The following CNTNAP2 variants were observed in gnomAD, a reference collection of about 807,000 sequenced individuals.
CNTNAP2 encodes the protein contactin-associated protein-like 2.
CNTNAP2 carries 98 observed loss-of-function variants against 155.2 expected under a neutral mutation model. The ratio of observed to expected loss-of-function variants is 0.63; its 90% CI spans 0.54 to 0.75. The LOEUF (loss-of-function observed/expected upper bound fraction) is 0.75. Among genes scored for constraint, CNTNAP2 ranks in the 30% least tolerant of loss-of-function variants. The probability of loss-of-function intolerance (pLI) is 0.00; values close to 1 mark genes in which losing one functional copy is unlikely to be tolerated. For missense variants in CNTNAP2, 1,727 were observed against 1,688.1 expected, an observed-to-expected ratio of 1.02 and a Z score of -0.40; for synonymous variants, 651 against 631.2, an observed-to-expected ratio of 1.03 and a Z score of -0.47.
chr7:148,291,295 T>TA (rs1563028078), intron 21 of CNTNAP2, among the ~76,000 whole-genome samples: 3 of 98,304 alleles, frequency 3.1e-5, no homozygotes, highest in Non-Finnish European at 4.2e-5. Flanking sequence ...GGAATATATA[T>TA]ATAATATATA....
intron 15 of CNTNAP2, among the ~76,000 whole-genome samples, chr7:148,061,878 T>TATAGATAGATAG (rs199822052): frequency 0.012 from 1,320 of 112,058 alleles, 97 homozygotes; most frequent in African/African-American, 0.039. Context: ...GATAAACAGA[T>TATAGATAGATAG]ATAGATAGAT....
At chr7:148,291,752 T>A (rs1002911736) in intron 21 of CNTNAP2, among the ~76,000 whole-genome samples, 1 of 152,234 alleles carries the variant, frequency 6.6e-6, no homozygotes, top group Non-Finnish European at 1.5e-5. Context: ...ATTTAGCCAT[T>A]TCACAAGGTA....
chr7:146,602,097 A>G (rs1168880170), intron 1 of CNTNAP2, among the ~76,000 whole-genome samples: 1 of 152,120 alleles, frequency 6.6e-6, no homozygotes, highest in African/African-American at 2.4e-5. Flanking sequence ...TTAAATAATC[A>G]ATTTGAAGTT....
Position 148,026,183 on chromosome 7 carries a change from T to C in CNTNAP2, c.2383+48194T>C, listed in dbSNP as rs376905416. Among the ~76,000 whole-genome samples, 35 of 152,184 alleles carry C rather than the reference T, an allele frequency of 2.3e-4. 1 individual carries two copies. The East Asian group carries it at 4.4e-3, about 19-fold the overall frequency. On this transcript the variant is annotated intron_variant, in intron 15 of 23. Coordinates refer to ENST00000361727, the MANE Select transcript of CNTNAP2 (RefSeq NM_014141.6). ...AAAAATACTAGCCAGGTGTGGCGGCTCACACCTGTAATCCCAGCACTTTGG... is the reference window on the plus strand; with the variant it reads ...AAAAATACTAGCCAGGTGTGGCGGCCCACACCTGTAATCCCAGCACTTTGG...
intron 4 of CNTNAP2, among the ~76,000 whole-genome samples, chr7:147,065,720 C>T (rs1799766063): frequency 6.6e-6 from 1 of 152,096 alleles, no homozygotes. Context: ...AAGACACAAA[C>T]TGGTTATTAT....
intron 3 of CNTNAP2, among the ~76,000 whole-genome samples, chr7:146,877,540 G>A (rs1795453620): frequency 6.6e-6 from 1 of 151,200 alleles, no homozygotes; most frequent in Admixed American, 6.6e-5. Context: ...GTGTATATGT[G>A]TATATAAATA....
chr7:147,220,450 A>G (rs994536277), intron 8 of CNTNAP2, among the ~76,000 whole-genome samples: 2 of 152,194 alleles, frequency 1.3e-5, no homozygotes, highest in African/African-American at 4.8e-5. Flanking sequence ...TCTTTTAATT[A>G]GTGCATTTAG....
intron 1 of CNTNAP2, among the ~76,000 whole-genome samples, chr7:146,384,445 CAA>C (rs1795432469): frequency 6.6e-6 from 1 of 152,060 alleles, no homozygotes; most frequent in Admixed American, 6.6e-5. Flanking sequence ...TCTGAGTCAT[CAA>C]AGACAAATAC....
chr7:146,159,667 A>T lies in CNTNAP2; in HGVS notation c.97+42694A>T, dbSNP rs531385621. On this transcript the variant is annotated intron_variant, in intron 1 of 23. Transcript: ENST00000361727. ...GAAGGCCATTAATAATGGTAAAGGG[A>T]TCAATTCAACAAGAAGAGCTAACTA... Among the ~76,000 whole-genome samples, 8 of 152,364 alleles carry T rather than the reference A, an allele frequency of 5.3e-5. No individual in the cohort carries two copies. The East Asian group carries it at 1.5e-3, about 29-fold the overall frequency.
intron 13 of CNTNAP2, among the ~76,000 whole-genome samples, chr7:147,688,744 G>A (rs1343084749): frequency 7.0e-6 from 1 of 141,948 alleles, no homozygotes; most frequent in Admixed American, 6.9e-5. Context: ...CTATGCTGCA[G>A]AGAAGAGGGC....
At chr7:146,982,129 G>A (rs892897556) in intron 3 of CNTNAP2, among the ~76,000 whole-genome samples, 9 of 152,054 alleles carry the variant, frequency 5.9e-5, no homozygotes, top group African/African-American at 2.2e-4. Flanking sequence ...GCAAAAACAG[G>A]TGGTGGGCTG....
Position 148,330,695 on chromosome 7 carries a change from G to A in CNTNAP2, c.3476-52954G>A, listed in dbSNP as rs141669683. On this transcript the variant is annotated intron_variant, in intron 21 of 23. Transcript: ENST00000361727. The stretch of plus-strand genomic sequence containing the variant: ...TGGAGTAGATGGAGTGGATGGAGTG[G>A]ACGGATGGAGTGGGTGAAGTGGATG... 8.7e-5 allele frequency among the ~76,000 whole-genome samples: 13 copies of A among 149,400 alleles called. No individual in the cohort carries two copies. The South Asian group carries it at 1.3e-3, about 15-fold the overall frequency.
intron 21 of CNTNAP2, among the ~76,000 whole-genome samples, chr7:148,314,850 C>A (rs574000007): frequency 1.3e-5 from 2 of 152,126 alleles, no homozygotes; most frequent in Non-Finnish European, 2.9e-5. Flanking sequence ...GATTAAACAC[C>A]AAGGGAAGAC....
chr7:147,958,837 T>C (rs1801068368), intron 14 of CNTNAP2, among the ~76,000 whole-genome samples: 1 of 152,156 alleles, frequency 6.6e-6, no homozygotes, highest in South Asian at 2.1e-4. Flanking sequence ...TTGCCTCCCA[T>C]TCCCTAAAGC....
intron 10 of CNTNAP2, among the ~76,000 whole-genome samples, chr7:147,398,820 A>G (rs1425526965): frequency 6.7e-6 from 1 of 150,210 alleles, no homozygotes; most frequent in African/African-American, 2.5e-5. Context: ...TTCTAAGCTG[A>G]CATGGTAGAG....
At chr7:147,183,768 G>A (rs1365154522) in intron 8 of CNTNAP2, among the ~76,000 whole-genome samples, 2 of 152,078 alleles carry the variant, frequency 1.3e-5, no homozygotes, top group Non-Finnish European at 2.9e-5. Flanking sequence ...AGTCTCCATG[G>A]TCTCAGAATG....
chr7:148,400,839 G>C (rs1430379010), intron 22 of CNTNAP2, among the ~76,000 whole-genome samples: 2 of 152,082 alleles, frequency 1.3e-5, no homozygotes, highest in East Asian at 3.9e-4. Context: ...AATTAGCCGG[G>C]CATGGTGGCG....
chr7:146,335,775 A>G (rs890487514), intron 1 of CNTNAP2, among the ~76,000 whole-genome samples: 6 of 152,156 alleles, frequency 3.9e-5, no homozygotes, highest in African/African-American at 7.2e-5. Flanking sequence ...CACAATCTGA[A>G]TGTTTCCTAC....
At chr7:147,254,406 T>C (rs1245718534) in intron 8 of CNTNAP2, among the ~76,000 whole-genome samples, 1 of 152,306 alleles carries the variant, frequency 6.6e-6, no homozygotes, top group Non-Finnish European at 1.5e-5. Flanking sequence ...CAAGTACTAG[T>C]ATAAAAATAA....
Sources: allele counts gnomAD v4.1 joint callset (sites outside exome capture counted in the v4.1 genomes callset), GRCh38; gene constraint gnomAD v4.1.1; transcripts MANE v1.5; gene names NCBI Gene and HGNC (gene_info 2026-07-23, HGNC 2026-07-21).